CERS3: variants seen among roughly 807,000 people sequenced by gnomAD.
CERS3 encodes the protein LAG1 homolog, ceramide synthase 3.
In CERS3, 33 loss-of-function variants were observed where a neutral mutation model predicts 50.3. That is an observed-to-expected ratio of 0.66 (90% CI 0.50 to 0.88). CERS3 has a LOEUF of 0.88. CERS3 is among the 40% of genes least tolerant of loss of function. CERS3 has a pLI of 0.00. For synonymous variants in CERS3, 176 were observed against 155.2 expected (o/e 1.13, Z -0.99); for missense variants, 470 against 460.3 (o/e 1.02, Z -0.19).
intron 2 of CERS3, among the ~76,000 whole-genome samples, chr15:100,519,084 G>A (rs745579772): frequency 1.1e-4 from 17 of 152,138 alleles, no homozygotes; most frequent in East Asian, 3.9e-4. Context: ...GCTTGAACCC[G>A]GAAGGCGGAG....
intron 11 of CERS3, among the ~76,000 whole-genome samples, chr15:100,419,510 T>A (rs1480630137): frequency 4.3e-4 from 56 of 130,602 alleles, no homozygotes; most frequent in East Asian, 8.9e-4. Flanking sequence ...ACTGTCAACA[T>A]TAGACAGATC....
rs563205461 is a variant in CERS3, at chr15:100,455,006, G to A, written c.999+887C>T. 3.3e-5 allele frequency among the ~76,000 whole-genome samples: 5 copies of A among 152,106 alleles called. No homozygotes were observed. The South Asian group carries it at 1.0e-3, about 32-fold the overall frequency. On this transcript the variant is annotated intron_variant, in intron 11 of 11. Transcript: ENST00000679737. ...AATGCTCAACATCACTAATCATCAG[G>A]GAAATGTGCAAGTGAAAACTACAAT... is the stretch of plus-strand genomic sequence containing the variant.
At chr15:100,517,776 C>G (rs1276525385) in intron 2 of CERS3, among the ~76,000 whole-genome samples, 1 of 152,108 alleles carries the variant, frequency 6.6e-6, no homozygotes, top group Non-Finnish European at 1.5e-5. Flanking sequence ...GACAAAGATC[C>G]TAGTTCTTGG....
chr15:100,511,215 G>A (rs886221438), intron 2 of CERS3, among the ~76,000 whole-genome samples: 14 of 152,158 alleles, frequency 9.2e-5, no homozygotes, highest in African/African-American at 3.4e-4. Context: ...CTTGAACCCT[G>A]GAGGCGGAGG....
chr15:100,401,795 G>A lies in CERS3; in HGVS notation c.*918C>T, dbSNP rs1567581891. On this transcript the variant is annotated 3_prime_UTR_variant, in exon 12 of 12. Transcript: ENST00000679737. The stretch of plus-strand genomic sequence containing the variant: ...AAGGGCTCAGGGCAGCAGCACAGAA[G>A]CTTCCCTCCTAGAAAGGAAAAAAGG... 6.6e-6 allele frequency: 1 copy of A among 152,346 alleles called. No individual in the cohort carries two copies. 9.4% of individuals were successfully genotyped at this position (152,346 alleles called of 1,614,324 possible). A position where few individuals can be genotyped will look rare whatever the true frequency, so the allele number is the denominator to read the frequency against.
chr15:100,467,871 A>ATAGATAGG, intron 10 of CERS3, among the ~76,000 whole-genome samples: 2 of 51,734 alleles, frequency 3.9e-5, no homozygotes, highest in Non-Finnish European at 5.5e-5. Flanking sequence ...AGATAGATAG[A>ATAGATAGG]TAGATAGATA....
intron 11 of CERS3, among the ~76,000 whole-genome samples, chr15:100,405,233 TAAA>T (rs752244347): frequency 2.9e-5 from 1 of 34,938 alleles, no homozygotes; most frequent in South Asian, 1.3e-3. Context: ...AACTCAATGG[TAAA>T]AAAAAAAAAA....
At chr15:100,483,161 A>G (rs1481166221) in intron 5 of CERS3, among the ~76,000 whole-genome samples, 1 of 152,184 alleles carries the variant, frequency 6.6e-6, no homozygotes, top group African/African-American at 2.4e-5. Flanking sequence ...TTCTCTAGAA[A>G]GCCTTTCTTT....
At chr15:100,447,617 A>C (rs1269481153) in intron 11 of CERS3, among the ~76,000 whole-genome samples, 12 of 152,254 alleles carry the variant, frequency 7.9e-5, no homozygotes, top group African/African-American at 2.9e-4. Flanking sequence ...TTTTAAGACA[A>C]AGCAGAAATG....
chr15:100,513,786 C>T (rs1428666570), intron 2 of CERS3, among the ~76,000 whole-genome samples: 2 of 152,176 alleles, frequency 1.3e-5, no homozygotes, highest in African/African-American at 4.8e-5. Flanking sequence ...ATCCTTCCAC[C>T]TCAGCTTTCC....
chr15:100,437,855 TC>T (rs1413953111), intron 11 of CERS3: 1 of 152,120 alleles, frequency 6.6e-6, no homozygotes, highest in African/African-American at 2.4e-5. Flanking sequence ...GACGTTTCAA[TC>T]TACACAGAAC....
At chr15:100,483,820 A>C (rs192542905) in intron 5 of CERS3, among the ~76,000 whole-genome samples, 2 of 117,550 alleles carry the variant, frequency 1.7e-5, no homozygotes, top group Non-Finnish European at 3.4e-5. Context: ...TTGCTCTGTC[A>C]CCCAGGCTGG....
intron 11 of CERS3, among the ~76,000 whole-genome samples, chr15:100,441,854 T>C (rs141348962): frequency 0.057 from 8,569 of 151,628 alleles, 352 homozygotes; most frequent in Non-Finnish European, 0.081. Context: ...CTTCTTTCCC[T>C]CCCGCCTGTC....
At chr15:100,530,986 C>T (rs940479414), upstream of CERS3, among the ~76,000 whole-genome samples, 4 of 151,832 alleles carry the variant, frequency 2.6e-5, no homozygotes, top group African/African-American at 7.3e-5. Flanking sequence ...CGGGAGGCTG[C>T]GGCAGGAGAA....
intron 1 of CERS3, among the ~76,000 whole-genome samples, chr15:100,535,049 C>G (rs1364424876): frequency 1.3e-5 from 2 of 152,104 alleles, no homozygotes; most frequent in African/African-American, 2.4e-5. Context: ...TGTATAAAAC[C>G]AAGCTGTGCC....
Position 100,426,620 on chromosome 15 carries a change from G to A in CERS3, c.1000-23755C>T, listed in dbSNP as rs77288991. On this transcript the variant is annotated intron_variant, in intron 11 of 11. Transcript: ENST00000679737. ...CATAGTAGGCACTCTGGATATATGT[G>A]TTGAAAGAGTGAATGAATTAATCTA... Among the ~76,000 whole-genome samples, 792 of 152,298 alleles carry A rather than the reference G, an allele frequency of 5.2e-3. 7 individuals are homozygous for A. Among genetic ancestry groups the A allele is most frequent in the African/African-American group, 0.018 (758 of 41,552 alleles).
At chr15:100,408,415 G>A (rs1314119514) in intron 11 of CERS3, among the ~76,000 whole-genome samples, 1 of 152,060 alleles carries the variant, frequency 6.6e-6, no homozygotes, top group Non-Finnish European at 1.5e-5. Context: ...CACAGCACTG[G>A]CCAACTTCAT....
At chr15:100,407,094 G>T (rs540139917) in intron 11 of CERS3, among the ~76,000 whole-genome samples, 1 of 152,272 alleles carries the variant, frequency 6.6e-6, no homozygotes, top group African/African-American at 2.4e-5. Flanking sequence ...GGAATTGTGG[G>T]AGTTACAATT....
intron 3 of CERS3, among the ~76,000 whole-genome samples, chr15:100,498,389 C>G (rs1246100562): frequency 6.6e-6 from 1 of 151,896 alleles, no homozygotes; most frequent in Non-Finnish European, 1.5e-5. Context: ...ATAAATTGAA[C>G]TGAAGAGATA....
Sources: allele counts gnomAD v4.1 joint callset (sites outside exome capture counted in the v4.1 genomes callset), GRCh38; gene constraint gnomAD v4.1.1; transcripts MANE v1.5; gene names NCBI Gene and HGNC (gene_info 2026-07-23, HGNC 2026-07-21).